The following CRYZL1 variants were observed in gnomAD, a reference collection of about 807,000 sequenced individuals.
CRYZL1 encodes the protein crystallin zeta like 1.
Under a neutral mutation model 50.6 loss-of-function variants are expected in CRYZL1, and 34 were observed. The ratio of observed to expected loss-of-function variants is 0.67; its 90% CI spans 0.51 to 0.89. The LOEUF (loss-of-function observed/expected upper bound fraction) is 0.89. Among genes scored for constraint, CRYZL1 ranks in the 40% least tolerant of loss-of-function variants. CRYZL1 has a pLI of 0.00. For missense variants in CRYZL1, 354 were observed against 402.3 expected, an observed-to-expected ratio of 0.88 and a Z score of 1.03; for synonymous variants, 125 against 134.3, an observed-to-expected ratio of 0.93 and a Z score of 0.48.
chr21:33,624,775 T>C lies in CRYZL1; in HGVS notation c.67-15A>G. 6.3e-7 allele frequency: 1 copy of C among 1,583,470 alleles called. No homozygotes were observed. The highest frequency in any genetic ancestry group is 1.4e-5 in the African/African-American group (1 of 72,646). On this transcript the variant is annotated splice_polypyrimidine_tract_variant and intron_variant, in intron 2 of 12. Coordinates refer to ENST00000381554, the MANE Select transcript of CRYZL1 (RefSeq NM_145858.3). ...GGAAGATCTTCCTAGAACCAAATGATAACAAAACAATATGTTATTTTACAC... is the reference window on the plus strand; with the variant it reads ...GGAAGATCTTCCTAGAACCAAATGACAACAAAACAATATGTTATTTTACAC...
chr21:33,617,780 G>C (rs1167731641), intron 4 of CRYZL1, among the ~76,000 whole-genome samples: 1 of 152,176 alleles, frequency 6.6e-6, no homozygotes, highest in African/African-American at 2.4e-5. Flanking sequence ...CAACCGGTTA[G>C]GACAGGGGTC....
At chr21:33,599,392 A>ACTTTCTCCCTT in intron 8 of CRYZL1, 144 bp from the exon 9 acceptor site, 1 of 1,130,214 alleles carries the variant, frequency 8.8e-7, no homozygotes, top group Non-Finnish European at 1.3e-6. Flanking sequence ...ATTTAAAGGG[A>ACTTTCTCCCTT]GAAAGTCAAT....
At chr21:33,615,154 CTTTTTT>C (rs10550201) in intron 5 of CRYZL1, among the ~76,000 whole-genome samples, 3 of 123,628 alleles carry the variant, frequency 2.4e-5, no homozygotes, top group African/African-American at 3.0e-5. Flanking sequence ...TTCTTTCTCT[CTTTTTT>C]TTTTTTTTTT....
In CRYZL1 at chr21:33,622,010, C is replaced by T. The variant is rs1241561773; in HGVS notation, c.203G>A (p.Gly68Glu). ...DLFPVGREIA[G>E]IVLDVGSKVS... Reference sequence around the variant, plus strand: ...TGTATACTTACCATCTAATACAATTCCAGCAATTTCTCTCCCAACAGGAAA... The same window carrying T: ...TGTATACTTACCATCTAATACAATTTCAGCAATTTCTCTCCCAACAGGAAA... Residue 68 changes from glycine to glutamate, a missense_variant, in exon 4 of 13, where the codon GGA becomes GAA. Gly to Glu is a moderately conservative substitution (Grantham distance 98). Coordinates refer to ENST00000381554, the MANE Select transcript of CRYZL1 (RefSeq NM_145858.3). The T allele has an allele frequency of 1.2e-6, 2 of 1,610,058 alleles. No homozygotes were observed. Among genetic ancestry groups the T allele is most frequent in the East Asian group, 2.2e-5 (1 of 44,716 alleles).
chr21:33,618,074 G>A (rs1221898624), intron 4 of CRYZL1, among the ~76,000 whole-genome samples: 3 of 152,060 alleles, frequency 2.0e-5, no homozygotes, highest in African/African-American at 7.2e-5. Flanking sequence ...TGGATCACGA[G>A]GTCAGGAGAT....
chr21:33,593,349 G>A (rs924575486), intron 11 of CRYZL1, among the ~76,000 whole-genome samples: 8 of 151,996 alleles, frequency 5.3e-5, no homozygotes, highest in South Asian at 2.1e-4. Flanking sequence ...CTCGTGATCC[G>A]CCCACCTTGG....
chr21:33,606,976 T>C (rs1301344694), intron 6 of CRYZL1, among the ~76,000 whole-genome samples: 2 of 152,084 alleles, frequency 1.3e-5, no homozygotes, highest in African/African-American at 4.8e-5. Flanking sequence ...ACACCATTCA[T>C]TGCACTCCAG....
chr21:33,625,169 T>C (rs2087046693), intron 2 of CRYZL1, among the ~76,000 whole-genome samples: 1 of 151,964 alleles, frequency 6.6e-6, no homozygotes, highest in African/African-American at 2.4e-5. Context: ...TTTTTTTTTT[T>C]TTTTGAGACA....
chr21:33,622,505 T>C (rs960899119), intron 3 of CRYZL1, among the ~76,000 whole-genome samples: 5 of 152,172 alleles, frequency 3.3e-5, no homozygotes, highest in African/African-American at 1.2e-4. Flanking sequence ...CCCTTTAAAA[T>C]CACCTGAGTT....
chr21:33,595,788 C>A lies in CRYZL1; in HGVS notation c.847G>T (p.Ala283Ser), dbSNP rs915523840. The A allele has an allele frequency of 2.5e-6, 4 of 1,614,160 alleles. No individual in the cohort carries two copies. The highest frequency in any genetic ancestry group is 4.5e-5 in the East Asian group (2 of 44,874). The change falls in exon 11 of 13, where the codon GCT becomes TCT. Residue 283 changes from alanine (A) to serine (S), a missense_variant. By Grantham distance (99) the Ala-to-Ser change is moderately conservative. Coordinates refer to ENST00000381554, the MANE Select transcript of CRYZL1 (RefSeq NM_145858.3). ...HCLFLKGATL[A>S]FLNDEVWNLS... The stretch of plus-strand genomic sequence containing the variant: ...TTCCAAACTTCATCATTCAGGAAAG[C>A]TAACGTTGCTCCCTTGAGGAAAAGG...
chr21:33,639,606 T>G (rs1485952167), intron 1 of CRYZL1: 3 of 152,242 alleles, frequency 2.0e-5, no homozygotes, highest in Admixed American at 2.0e-4. Flanking sequence ...CTTTTCCACC[T>G]ACTAACATTA....
intron 3 of CRYZL1, among the ~76,000 whole-genome samples, chr21:33,623,720 G>A (rs979012444): frequency 3.9e-5 from 6 of 152,062 alleles, no homozygotes; most frequent in Non-Finnish European, 7.4e-5. Context: ...AATCCAATAA[G>A]TTACGGGTCA....
At chr21:33,608,255 G>C (rs2086834496) in intron 6 of CRYZL1, among the ~76,000 whole-genome samples, 2 of 152,198 alleles carry the variant, frequency 1.3e-5, no homozygotes, top group Admixed American at 1.3e-4. Context: ...AGGAGTTCGA[G>C]ACGGGCCTGG....
chr21:33,634,889 AT>A (rs2087185683), intron 1 of CRYZL1, among the ~76,000 whole-genome samples: 4 of 149,352 alleles, frequency 2.7e-5, no homozygotes, highest in African/African-American at 9.8e-5. Flanking sequence ...CAATATATAT[AT>A]ATATATATAT....
intron 8 of CRYZL1, 107 bp from the exon 9 acceptor site, chr21:33,599,355 GA>G: frequency 1.4e-6 from 2 of 1,435,172 alleles, no homozygotes; most frequent in South Asian, 1.2e-5. Context: ...TTCTTGAAAT[GA>G]GTTAAGCAAT....
At position 33,592,099 on chromosome 21, in the gene CRYZL1, A is replaced by AT. The variant is rs566912653; in HGVS notation, c.905-893dup. ...ATACTATGTAGATAGTGGTTATGCT[A>AT]TTTTTTTTGTTTTTTTTATTGTCGT... On this transcript the variant is annotated intron_variant, in intron 11 of 12. Transcript: ENST00000381554. 6.5e-4 allele frequency among the ~76,000 whole-genome samples: 93 copies of AT among 142,544 alleles called. No homozygotes were observed. In the East Asian group the frequency reaches 6.8e-3, roughly 10 times the overall value. 93.5% of individuals were successfully genotyped at this position (142,544 alleles called of 152,430 possible).
At chr21:33,606,832 A>C (rs2086819757) in intron 6 of CRYZL1, among the ~76,000 whole-genome samples, 1 of 151,944 alleles carries the variant, frequency 6.6e-6, no homozygotes, top group Non-Finnish European at 1.5e-5. Flanking sequence ...CAACATGGAG[A>C]AACCCCATCT....
chr21:33,603,409 C>A lies in CRYZL1; in HGVS notation c.460G>T (p.Ala154Ser), dbSNP rs747461530. ...PGKSVLIMDG[A>S]SAFGTIAIQL... ...ACAAAACCATTAGCACCTACACTTG[C>A]TCCATCCATTATCAGCACTGATTTT... The change falls in exon 7 of 13, where the codon GCA becomes TCA. Residue 154 changes from alanine (A) to serine (S), a missense_variant. Coordinates refer to ENST00000381554, the MANE Select transcript of CRYZL1 (RefSeq NM_145858.3). 2.5e-6 allele frequency: 4 copies of A among 1,614,036 alleles called. No individual in the cohort carries two copies. The highest frequency in any genetic ancestry group is 3.4e-6 in the Non-Finnish European group (4 of 1,180,014).
At chr21:33,640,292 C>A (rs1435852038) in intron 1 of CRYZL1, 1 of 1,490,876 alleles carries the variant, frequency 6.7e-7, no homozygotes, top group Non-Finnish European at 9.0e-7. Flanking sequence ...AACGTCTTAT[C>A]CCCTGCTGTA....
Sources: allele counts gnomAD v4.1 joint callset (sites outside exome capture counted in the v4.1 genomes callset), GRCh38; gene constraint gnomAD v4.1.1; transcripts MANE v1.5; gene names NCBI Gene and HGNC (gene_info 2026-07-23, HGNC 2026-07-21).